The following SNTG1 variants were observed in gnomAD, a reference collection of about 807,000 sequenced individuals.
SNTG1 encodes the protein gamma-1-syntrophin.
A neutral mutation model predicts 74.7 loss-of-function variants in SNTG1; 39 were observed. The observed-to-expected ratio is 0.52, with a 90% CI of 0.40 to 0.68. SNTG1 has a LOEUF of 0.68. Ranked by LOEUF, SNTG1 falls within the 30% of genes least tolerant of loss-of-function variation. The pLI is 0.00. For missense variants in SNTG1, 685 were observed against 609.5 expected (o/e 1.12, Z -1.30); for synonymous variants, 254 against 217.1 (o/e 1.17, Z -1.49).
chr8:50,378,190 C>T (rs1433963020), intron 2 of SNTG1, among the ~76,000 whole-genome samples: 1 of 152,218 alleles, frequency 6.6e-6, no homozygotes, highest in Non-Finnish European at 1.5e-5. Context: ...GGGAGGGTGG[C>T]TCCAGGTGCT....
At chr8:50,041,805 A>T (rs1586017822) in intron 1 of SNTG1, among the ~76,000 whole-genome samples, 1 of 152,182 alleles carries the variant, frequency 6.6e-6, no homozygotes, top group East Asian at 1.9e-4. Context: ...CTTTCCTCTT[A>T]ATGAGTTTGT....
intron 18 of SNTG1, among the ~76,000 whole-genome samples, chr8:50,756,127 C>G (rs935014899): frequency 1.3e-5 from 2 of 151,852 alleles, no homozygotes; most frequent in Admixed American, 6.6e-5. Flanking sequence ...TGAGTTTTAA[C>G]AGTTCTTTGC....
rs369578042 is a variant in SNTG1 at position 50,670,482 on chromosome 8, C to G, written c.1038+11819C>G. Reference sequence around the variant, plus strand: ...ATAAAATACCTAGGAATCCAACTTACAAGGGATGTGAAGGACCTCTTCAAG... The same window carrying G: ...ATAAAATACCTAGGAATCCAACTTAGAAGGGATGTGAAGGACCTCTTCAAG... On this transcript the variant is annotated intron_variant, in intron 15 of 18. Coordinates refer to ENST00000642720, the MANE Select transcript of SNTG1 (RefSeq NM_018967.5). Among the ~76,000 whole-genome samples the G allele has an allele frequency of 9.9e-5, 15 of 151,208 alleles. 1 individual carries two copies. The highest frequency in any genetic ancestry group is 6.3e-4 in the South Asian group (3 of 4,776).
chr8:49,989,974 G>GA (rs1484694930), intron 1 of SNTG1, among the ~76,000 whole-genome samples: 1 of 151,880 alleles, frequency 6.6e-6, no homozygotes, highest in Non-Finnish European at 1.5e-5. Context: ...AAGTATCCAT[G>GA]AAAAACCTAT....
At chr8:50,652,358 A>C (rs2095152468) in intron 13 of SNTG1, among the ~76,000 whole-genome samples, 1 of 152,154 alleles carries the variant, frequency 6.6e-6, no homozygotes, top group African/African-American at 2.4e-5. Flanking sequence ...TATTAATTGA[A>C]TTGTTCAAAA....
At position 50,664,373 on chromosome 8, in the gene SNTG1, C is replaced by T. The variant is rs556222400; in HGVS notation, c.1038+5710C>T. ...ATTAGGCATGAAAGTGAATATATAT[C>T]AAGAATGAGAAAAAGCTCATGATGC... On this transcript the variant is annotated intron_variant, in intron 15 of 18. Coordinates refer to ENST00000642720, the MANE Select transcript of SNTG1 (RefSeq NM_018967.5). Among the ~76,000 whole-genome samples the T allele has an allele frequency of 2.6e-5, 4 of 152,144 alleles. No homozygotes were observed. The East Asian group carries it at 7.7e-4, about 29-fold the overall frequency.
intron 4 of SNTG1, among the ~76,000 whole-genome samples, chr8:50,432,802 A>C (rs2093253345): frequency 6.7e-6 from 1 of 149,392 alleles, no homozygotes; most frequent in African/African-American, 2.5e-5. Context: ...TTATTTATTC[A>C]TTTTTTTGAG....
chr8:50,761,164 C>A (rs1289615199), intron 18 of SNTG1, among the ~76,000 whole-genome samples: 1 of 151,982 alleles, frequency 6.6e-6, no homozygotes, highest in African/African-American at 2.4e-5. Flanking sequence ...CATCAAAAAG[C>A]TTATCCACCA....
At chr8:50,035,978 G>C (rs997986666) in intron 1 of SNTG1, among the ~76,000 whole-genome samples, 1 of 151,920 alleles carries the variant, frequency 6.6e-6, no homozygotes, top group African/African-American at 2.4e-5. Context: ...AAAAAGCAAG[G>C]GAAAATATAG....
chr8:50,402,878 C>T (rs1388598309), intron 4 of SNTG1, among the ~76,000 whole-genome samples: 3 of 152,168 alleles, frequency 2.0e-5, no homozygotes, highest in African/African-American at 7.2e-5. Context: ...TTCTCCAATG[C>T]TCCAACCCAT....
intron 18 of SNTG1, among the ~76,000 whole-genome samples, chr8:50,766,185 C>T (rs2095613395): frequency 6.6e-6 from 1 of 151,920 alleles, no homozygotes; most frequent in African/African-American, 2.4e-5. Flanking sequence ...TTCAATAGAA[C>T]ATTTTTCATC....
chr8:49,939,170 A>C (rs1479828332), intron 1 of SNTG1, among the ~76,000 whole-genome samples: 1 of 152,130 alleles, frequency 6.6e-6, no homozygotes, highest in Non-Finnish European at 1.5e-5. Flanking sequence ...AGCGTGTTAA[A>C]ATTTCTGTTC....
chr8:50,643,082 C>T (rs2095084395), intron 13 of SNTG1, among the ~76,000 whole-genome samples: 1 of 152,166 alleles, frequency 6.6e-6, no homozygotes, highest in African/African-American at 2.4e-5. Context: ...TTGGGTTTTA[C>T]TCCTTCTCAT....
At chr8:50,757,705 C>T (rs2095583965) in intron 18 of SNTG1, among the ~76,000 whole-genome samples, 1 of 151,778 alleles carries the variant, frequency 6.6e-6, no homozygotes, top group Admixed American at 6.6e-5. Context: ...GATGAATATC[C>T]ACAATATTTC....
At chr8:50,415,392 G>A (rs1391449593) in intron 4 of SNTG1, among the ~76,000 whole-genome samples, 1 of 152,114 alleles carries the variant, frequency 6.6e-6, no homozygotes, top group Non-Finnish European at 1.5e-5. Context: ...ACACTAGAAA[G>A]TGAAATGGAA....
At chr8:50,654,688 G>C (rs1051123736) in intron 13 of SNTG1, among the ~76,000 whole-genome samples, 18 of 152,062 alleles carry the variant, frequency 1.2e-4, no homozygotes, top group Admixed American at 1.1e-3. Context: ...CATAAGTAAT[G>C]TTATTGTCAT....
At chr8:50,680,556 T>C (rs574541462) in intron 15 of SNTG1, among the ~76,000 whole-genome samples, 6 of 152,238 alleles carry the variant, frequency 3.9e-5, no homozygotes, top group Non-Finnish European at 7.4e-5. Context: ...GGTTTTAAGC[T>C]TGCACACATT....
intron 2 of SNTG1, among the ~76,000 whole-genome samples, chr8:50,374,791 G>GCTAA (rs1269363856): frequency 6.6e-6 from 1 of 152,060 alleles, no homozygotes; most frequent in African/African-American, 2.4e-5. Context: ...GCATCTCATA[G>GCTAA]CTAAATAAAT....
intron 16 of SNTG1, chr8:50,708,596 G>T (rs2095452139): frequency 3.2e-6 from 1 of 313,846 alleles, no homozygotes; most frequent in Middle Eastern, 8.5e-4. Flanking sequence ...CACCTTTATT[G>T]TCAACACAGC....
Sources: allele counts gnomAD v4.1 joint callset (sites outside exome capture counted in the v4.1 genomes callset), GRCh38; gene constraint gnomAD v4.1.1; transcripts MANE v1.5; gene names NCBI Gene and HGNC (gene_info 2026-07-23, HGNC 2026-07-21).